The following PRKN variants were observed in gnomAD, a reference collection of about 807,000 sequenced individuals.
The protein encoded by PRKN is parkin RBR E3 ubiquitin protein ligase, also known as E3 ubiquitin-protein ligase parkin.
In PRKN, 56 loss-of-function variants were observed where a neutral mutation model predicts 59.5. The observed-to-expected ratio is 0.94, with a 90% CI of 0.76 to 1.18. The LOEUF (loss-of-function observed/expected upper bound fraction) is 1.18. Among genes scored for constraint, PRKN ranks in the 50% most tolerant of loss-of-function variants. The pLI is 0.00. For missense variants in PRKN, 657 were observed against 596.4 expected, an observed-to-expected ratio of 1.10 and a Z score of -1.06; for synonymous variants, 250 against 222.1, an observed-to-expected ratio of 1.13 and a Z score of -1.12.
chr6:162,072,483 T>G (rs776339410), intron 4 of PRKN, among the ~76,000 whole-genome samples: 13 of 152,178 alleles, frequency 8.5e-5, no homozygotes, highest in Admixed American at 2.0e-4. Flanking sequence ...TGAGCCTGAT[T>G]CTTGGAATAT....
chr6:161,913,239 A>T, intron 6 of PRKN, among the ~76,000 whole-genome samples: 1 of 152,096 alleles, frequency 6.6e-6, no homozygotes, highest in East Asian at 1.9e-4. Flanking sequence ...AACACCCAAT[A>T]GTCAAACTCA....
At chr6:162,686,375 C>T (rs1230500610) in intron 1 of PRKN, among the ~76,000 whole-genome samples, 1 of 152,086 alleles carries the variant, frequency 6.6e-6, no homozygotes, top group Non-Finnish European at 1.5e-5. Context: ...CATGTCCACA[C>T]CAGAGGTGGG....
intron 1 of PRKN, among the ~76,000 whole-genome samples, chr6:162,689,999 G>GT (rs2128234803): frequency 6.6e-6 from 1 of 152,142 alleles, no homozygotes; most frequent in East Asian, 1.9e-4. Flanking sequence ...AGAATAGGAT[G>GT]TATTATGTCC....
intron 7 of PRKN, among the ~76,000 whole-genome samples, chr6:161,596,774 T>C (rs931245051): frequency 6.6e-6 from 1 of 152,176 alleles, no homozygotes; most frequent in African/African-American, 2.4e-5. Flanking sequence ...TGTAGGAGAA[T>C]GAAAGTGCTG....
At chr6:162,019,888 G>A (rs940528597) in intron 5 of PRKN, among the ~76,000 whole-genome samples, 10 of 151,900 alleles carry the variant, frequency 6.6e-5, no homozygotes, top group Non-Finnish European at 2.9e-5. Context: ...GTGTGGTGGC[G>A]GGCGCCTGTA....
intron 3 of PRKN, among the ~76,000 whole-genome samples, chr6:162,234,397 T>G (rs1264320672): frequency 6.6e-6 from 1 of 152,180 alleles, no homozygotes; most frequent in Non-Finnish European, 1.5e-5. Flanking sequence ...TGAAAAGATT[T>G]ACCAGGGAAG....
intron 5 of PRKN, among the ~76,000 whole-genome samples, chr6:162,052,266 A>G (rs547347141): frequency 8.5e-5 from 13 of 152,158 alleles, no homozygotes; most frequent in African/African-American, 3.1e-4. Context: ...TGTGTCAATT[A>G]TTATAATTTA....
intron 3 of PRKN, among the ~76,000 whole-genome samples, chr6:162,234,453 T>C (rs1409482996): frequency 6.6e-6 from 1 of 152,200 alleles, no homozygotes; most frequent in Non-Finnish European, 1.5e-5. Context: ...TAACATAATA[T>C]AGAGTTGTCC....
chr6:162,635,707 A>C (rs2128223433), intron 1 of PRKN, among the ~76,000 whole-genome samples: 1 of 152,192 alleles, frequency 6.6e-6, no homozygotes, highest in South Asian at 2.1e-4. Flanking sequence ...CTCAGTGGTA[A>C]TCATATAAAA....
At chr6:162,251,904 ATTT>A (rs903510574) in intron 3 of PRKN, among the ~76,000 whole-genome samples, 2 of 152,104 alleles carry the variant, frequency 1.3e-5, no homozygotes, top group Middle Eastern at 3.2e-3. Context: ...ATAGTTTTCC[ATTT>A]TTTACTAATA....
chr6:162,340,165 T>C (rs1245470874), intron 2 of PRKN, among the ~76,000 whole-genome samples: 2 of 146,350 alleles, frequency 1.4e-5, no homozygotes, highest in Admixed American at 1.4e-4. Context: ...AAAAAAGTAG[T>C]CTCTGATTTT....
rs144270223 is a variant in PRKN at position 161,495,676 on chromosome 6, T to C, written c.1083+53178A>G. ...CCACAGACGGGAGCTTCTGTTTCCT[T>C]ACCACAGAGCCAGCCATGGGGACCA... is the stretch of plus-strand genomic sequence containing the variant. On this transcript the variant is annotated intron_variant, in intron 9 of 11. Coordinates refer to ENST00000366898, the MANE Select transcript of PRKN (RefSeq NM_004562.3). 2.2e-3 allele frequency among the ~76,000 whole-genome samples: 342 copies of C among 152,382 alleles called. 2 individuals are homozygous for C. Among genetic ancestry groups the C allele is most frequent in the African/African-American group, 8.1e-3 (335 of 41,596 alleles).
chr6:161,889,519 T>C (rs1272415956), intron 6 of PRKN, among the ~76,000 whole-genome samples: 2 of 152,140 alleles, frequency 1.3e-5, no homozygotes, highest in African/African-American at 4.8e-5. Context: ...GTTCCATTCA[T>C]CCAGCATTCT....
intron 7 of PRKN, among the ~76,000 whole-genome samples, chr6:161,633,997 A>AAC (rs141101298): frequency 0.15 from 21,787 of 141,910 alleles, 2,149 homozygotes; most frequent in Admixed American, 0.36. Context: ...GGAAAACTTA[A>AAC]ACACACACAC....
intron 6 of PRKN, among the ~76,000 whole-genome samples, chr6:161,879,519 T>C (rs1388186750): frequency 6.6e-6 from 1 of 151,982 alleles, no homozygotes; most frequent in Non-Finnish European, 1.5e-5. Flanking sequence ...GCTAACTTTT[T>C]GTATTTTGAG....
chr6:162,190,231 G>GCATTT (rs1784215240), intron 4 of PRKN, among the ~76,000 whole-genome samples: 1 of 152,074 alleles, frequency 6.6e-6, no homozygotes, highest in Admixed American at 6.6e-5. Context: ...TATTCTATGA[G>GCATTT]CATTTCCCTT....
chr6:162,612,295 G>A (rs557429733), intron 1 of PRKN, among the ~76,000 whole-genome samples: 5 of 151,486 alleles, frequency 3.3e-5, no homozygotes, highest in African/African-American at 4.8e-5. Context: ...TGGAAGCCAC[G>A]GGAAAACAAA....
intron 4 of PRKN, among the ~76,000 whole-genome samples, chr6:162,078,675 C>G (rs1415914730): frequency 6.6e-6 from 1 of 151,878 alleles, no homozygotes; most frequent in Non-Finnish European, 1.5e-5. Context: ...AATGACTAAG[C>G]AAAGGAGAGC....
At chr6:162,487,489 C>T (rs1001678844) in intron 1 of PRKN, among the ~76,000 whole-genome samples, 2 of 152,168 alleles carry the variant, frequency 1.3e-5, no homozygotes, top group African/African-American at 2.4e-5. Context: ...CCTGTCATCA[C>T]TTTTTATGAT....
Sources: gnomAD v4.1 joint callset for allele counts (sites outside exome capture counted in the v4.1 genomes callset) on GRCh38, gnomAD v4.1.1 for gene constraint, MANE v1.5 for transcripts, NCBI Gene and HGNC (gene_info 2026-07-23, HGNC 2026-07-21) for gene names.